Variants in BPTF observed in about 807,000 individuals in gnomAD.
BPTF encodes bromodomain PHD finger transcription factor, also known as nucleosome-remodeling factor subunit BPTF.
In BPTF, 18 loss-of-function variants were observed where a neutral mutation model predicts 292.5. That is an observed-to-expected ratio of 0.06 (90% CI 0.04 to 0.09). The LOEUF (loss-of-function observed/expected upper bound fraction) is 0.09, where lower values mean the gene tolerates loss of function less well. Ranked by LOEUF, BPTF falls within the 10% of genes least tolerant of loss-of-function variation. The pLI is 1.00. For synonymous variants in BPTF, 1,225 were observed against 1,251.9 expected (o/e 0.98, Z 0.45); for missense variants, 2,726 against 3,498.7 (o/e 0.78, Z 5.57).
At position 67,983,201 on chromosome 17, in the gene BPTF, G is replaced by A. The variant is rs1359764802; in HGVS notation, c.*913G>A. The A allele has an allele frequency of 6.6e-6, 1 of 152,610 alleles. No homozygotes were observed. The highest frequency in any genetic ancestry group is 1.9e-4 in the East Asian group (1 of 5,204). The allele number at this position is 152,610 out of a possible 1,614,324, so 9.5% of individuals were successfully genotyped here. On this transcript the variant is annotated 3_prime_UTR_variant, in exon 28 of 28. Transcript: ENST00000306378. The stretch of plus-strand genomic sequence containing the variant: ...CGCTAATGATTATCTGTAAGCCTTT[G>A]TGGGGAGGGAGGCCTGCAAGGTCAT...
intron 18 of BPTF, 81 bp downstream of exon 18, chr17:67,932,100 A>G (rs879756254): frequency 5.0e-5 from 58 of 1,154,902 alleles, no homozygotes; most frequent in East Asian, 3.9e-4. Flanking sequence ...TTGGCACTAC[A>G]TACGAGAAAT....
chr17:67,912,636 C>T lies in BPTF; in HGVS notation c.4752C>T (p.Val1584=). ...NVNGESKRKT[V]ITEVTTMTST... is the part of the protein sequence containing the mutation. ...ATGGAGAATCTAAAAGAAAAACCGTCATCACAGAAGTCACCACGATGACCT... is the reference window on the plus strand; with the variant it reads ...ATGGAGAATCTAAAAGAAAAACCGTTATCACAGAAGTCACCACGATGACCT... The change falls in exon 11 of 28, where the codon GTC becomes GTT. Residue 1584 remains valine (V), a synonymous_variant. Transcript: ENST00000306378. 6.2e-7 allele frequency: 1 copy of T among 1,613,050 alleles called. No individual in the cohort carries two copies. Among genetic ancestry groups the T allele is most frequent in the South Asian group, 1.1e-5 (1 of 90,792 alleles).
intron 2 of BPTF, 59 bp from the exon 3 acceptor site, chr17:67,866,405 C>T: frequency 7.7e-7 from 1 of 1,299,802 alleles, no homozygotes; most frequent in Non-Finnish European, 1.1e-6. Flanking sequence ...GGTAGATGAA[C>T]TGTCAGATAA....
intron 26 of BPTF, among the ~76,000 whole-genome samples, chr17:67,968,574 C>T (rs782680743): frequency 3.3e-5 from 5 of 150,852 alleles, no homozygotes; most frequent in Non-Finnish European, 7.4e-5. Context: ...GTCAGGAGAT[C>T]GAGACCATCC....
chr17:67,909,466 T>C, intron 9 of BPTF, 116 bp from the exon 10 acceptor site: 1 of 710,790 alleles, frequency 1.4e-6, no homozygotes, highest in Non-Finnish European at 2.1e-6. Flanking sequence ...TTTTTTTAAA[T>C]GAAAAAATGA....
intron 4 of BPTF, chr17:67,886,309 A>G: frequency 6.2e-7 from 1 of 1,608,886 alleles, no homozygotes; most frequent in South Asian, 1.1e-5. Flanking sequence ...CTATTCAGGA[A>G]GAGATAGGTA....
intron 21 of BPTF, among the ~76,000 whole-genome samples, 197 bp downstream of exon 21, chr17:67,946,522 T>C (rs1555675601): frequency 6.6e-6 from 1 of 152,216 alleles, no homozygotes. Flanking sequence ...ATACATATAA[T>C]ATATAGTCAG....
chr17:67,844,070 CTTTTTTTTTTTTTTTTTTT>C, intron 1 of BPTF, among the ~76,000 whole-genome samples: 1 of 94,354 alleles, frequency 1.1e-5, no homozygotes, highest in African/African-American at 3.7e-5. Flanking sequence ...CGGCCCCCGC[CTTTTTTTTTTTTTTTTTTT>C]TTTTTTTTAA....
chr17:67,838,789 A>G (rs1488195845), intron 1 of BPTF, among the ~76,000 whole-genome samples: 2 of 152,242 alleles, frequency 1.3e-5, no homozygotes, highest in Non-Finnish European at 2.9e-5. Context: ...GTGTGCATAC[A>G]TACTTTTTAC....
chr17:67,947,979 A>G, intron 22 of BPTF, 102 bp from the exon 23 acceptor site: 6 of 1,323,450 alleles, frequency 4.5e-6, no homozygotes, highest in Non-Finnish European at 6.3e-6. Context: ...TTTTCCAGTC[A>G]CAGAAAGTTT....
intron 15 of BPTF, among the ~76,000 whole-genome samples, chr17:67,924,921 G>A (rs1396657249): frequency 6.6e-6 from 1 of 151,910 alleles, no homozygotes; most frequent in Non-Finnish European, 1.5e-5. Context: ...GCTAATATTT[G>A]TATTTTTTGT....
At chr17:67,972,926 A>C (rs2068926331) in intron 26 of BPTF, among the ~76,000 whole-genome samples, 1 of 151,626 alleles carries the variant, frequency 6.6e-6, no homozygotes, top group South Asian at 2.1e-4. Flanking sequence ...CTTGGAATCC[A>C]ACTCTGTGTG....
chr17:67,976,345 C>G (rs1218230307), intron 27 of BPTF, among the ~76,000 whole-genome samples: 1 of 152,112 alleles, frequency 6.6e-6, no homozygotes, highest in Non-Finnish European at 1.5e-5. Context: ...TGGTGACGCA[C>G]GCATGTAATC....
chr17:67,856,256 T>C (rs2058685559), intron 2 of BPTF, among the ~76,000 whole-genome samples: 1 of 152,168 alleles, frequency 6.6e-6, no homozygotes, highest in South Asian at 2.1e-4. Flanking sequence ...CAGTTTTTCC[T>C]TTCTGCTACC....
At chr17:67,938,637 C>T (rs2065117012) in intron 18 of BPTF, among the ~76,000 whole-genome samples, 1 of 152,152 alleles carries the variant, frequency 6.6e-6, no homozygotes, top group Non-Finnish European at 1.5e-5. Flanking sequence ...GGAAAATAGA[C>T]TTCCGTGTTA....
chr17:67,925,990 T>G (rs572686134), intron 15 of BPTF, among the ~76,000 whole-genome samples: 1 of 132,470 alleles, frequency 7.5e-6, no homozygotes, highest in East Asian at 2.2e-4. Flanking sequence ...CCTAACATAT[T>G]ACTTTTTTTT....
intron 17 of BPTF, among the ~76,000 whole-genome samples, chr17:67,930,909 G>A (rs949908824): frequency 1.3e-5 from 2 of 151,846 alleles, no homozygotes; most frequent in South Asian, 2.1e-4. Flanking sequence ...GAGCTGAGAT[G>A]GTGCCACTGC....
Position 67,904,789 on chromosome 17 carries a change from C to T in BPTF, c.2761C>T (p.Pro921Ser). Residue 921 changes from proline (P) to serine (S), a missense_variant, in exon 9 of 28, where the codon CCT becomes TCT. Transcript: ENST00000306378. Reference protein sequence around the residue: ...ISKTHVYRFVPKLPGNTNVNY... With the variant: ...ISKTHVYRFVSKLPGNTNVNY... ...TAAAACTCATGTTTATAGGTTTGTT[C>T]CTAAATTGCCAGGCAATACTAATGT... 6.2e-7 allele frequency: 1 copy of T among 1,612,906 alleles called. No individual in the cohort carries two copies. The highest frequency in any genetic ancestry group is 1.1e-5 in the South Asian group (1 of 91,014).
At chr17:67,901,219 CA>C (rs1182355627) in intron 7 of BPTF, among the ~76,000 whole-genome samples, 1 of 151,384 alleles carries the variant, frequency 6.6e-6, no homozygotes, top group African/African-American at 2.4e-5. Context: ...AGTAGCATTG[CA>C]CATCACAAAG....
Sources: gnomAD v4.1 joint callset for allele counts (sites outside exome capture counted in the v4.1 genomes callset) on GRCh38, gnomAD v4.1.1 for gene constraint, MANE v1.5 for transcripts, NCBI Gene and HGNC (gene_info 2026-07-23, HGNC 2026-07-21) for gene names.